The following COBLL1 variants were observed in gnomAD, a reference collection of about 807,000 sequenced individuals.
COBLL1 encodes the protein cordon-bleu WH2 repeat protein like 1.
COBLL1 carries 50 observed loss-of-function variants against 94.8 expected under a neutral mutation model. That is an observed-to-expected ratio of 0.53 (90% confidence interval 0.42 to 0.67). COBLL1 has a LOEUF of 0.67. Ranked by LOEUF, COBLL1 falls within the 30% of genes least tolerant of loss-of-function variation. The pLI is 0.00. For missense variants in COBLL1, 1,362 were observed against 1,348.7 expected, an observed-to-expected ratio of 1.01 and a Z score of -0.15; for synonymous variants, 448 against 473.8, an observed-to-expected ratio of 0.95 and a Z score of 0.71.
At chr2:164,833,663 G>C (rs1032402941) in intron 2 of COBLL1, among the ~76,000 whole-genome samples, 2 of 151,924 alleles carry the variant, frequency 1.3e-5, no homozygotes, top group Non-Finnish European at 2.9e-5. Flanking sequence ...TGTTAGCCAG[G>C]ATGGTCTCGA....
chr2:164,807,924 A>G (rs1684259183), intron 2 of COBLL1, among the ~76,000 whole-genome samples: 1 of 152,054 alleles, frequency 6.6e-6, no homozygotes, highest in African/African-American at 2.4e-5. Context: ...GGTTCAAGCA[A>G]TTCTTGTGCC....
intron 7 of COBLL1, among the ~76,000 whole-genome samples, chr2:164,709,736 A>C (rs1318651971): frequency 6.6e-6 from 1 of 152,042 alleles, no homozygotes; most frequent in Non-Finnish European, 1.5e-5. Flanking sequence ...TAAATAAATA[A>C]ATAAAAATAA....
intron 3 of COBLL1, among the ~76,000 whole-genome samples, chr2:164,733,628 C>T (rs1216763557): frequency 6.6e-6 from 1 of 152,160 alleles, no homozygotes; most frequent in East Asian, 1.9e-4. Context: ...GAATTTAATA[C>T]TGCATATGAA....
chr2:164,828,257 G>T (rs1375484684), intron 2 of COBLL1, among the ~76,000 whole-genome samples: 1 of 152,064 alleles, frequency 6.6e-6, no homozygotes, highest in Non-Finnish European at 1.5e-5. Flanking sequence ...TTGTTTCTAG[G>T]TATATGTGGA....
At chr2:164,713,559 G>T (rs1685015410) in intron 7 of COBLL1, among the ~76,000 whole-genome samples, 1 of 152,152 alleles carries the variant, frequency 6.6e-6, no homozygotes. Context: ...AGGGGATTCT[G>T]AGTGGCCAAG....
At chr2:164,827,713 C>T (rs955261112) in intron 2 of COBLL1, among the ~76,000 whole-genome samples, 1 of 152,194 alleles carries the variant, frequency 6.6e-6, no homozygotes, top group Non-Finnish European at 1.5e-5. Flanking sequence ...ATGTACTAGT[C>T]ACACAATTAA....
Position 164,685,823 on chromosome 2 carries a change from A to C in COBLL1, c.*123T>G. ...TTCTGGCATTAAAAGCCACAACACA[A>C]ATTCTAATATTTTAATAGATAATAT... is the stretch of plus-strand genomic sequence containing the variant. On this transcript the variant is annotated 3_prime_UTR_variant, in exon 14 of 14. Coordinates refer to ENST00000652658, the MANE Select transcript of COBLL1 (RefSeq NM_001365672.2). 2.4e-6 allele frequency: 1 copy of C among 425,416 alleles called. No individual in the cohort carries two copies. The highest frequency in any genetic ancestry group is 4.2e-6 in the Non-Finnish European group (1 of 236,082). 26.4% of individuals were successfully genotyped at this position (425,416 alleles called of 1,614,324 possible). A position where few individuals can be genotyped will look rare whatever the true frequency, so the allele number is the denominator to read the frequency against.
In COBLL1 at chr2:164,783,941, G is replaced by A. The variant is rs570703320; in HGVS notation, c.42-40066C>T. On this transcript the variant is annotated intron_variant, in intron 2 of 13. Coordinates refer to ENST00000652658, the MANE Select transcript of COBLL1 (RefSeq NM_001365672.2). ...TGATTATGCCATTGCACTCCAGCAT[G>A]GGCAACAGAGAGCTACCCTGTCTCA... is the stretch of plus-strand genomic sequence containing the variant. Among the ~76,000 whole-genome samples, 4 of 152,274 alleles carry A rather than the reference G, an allele frequency of 2.6e-5. No individual in the cohort carries two copies. In the South Asian group the frequency reaches 6.2e-4, roughly 24 times the overall value.
In COBLL1 at chr2:164,692,344, A is replaced by G. The variant is rs1384896960; in HGVS notation, c.3177T>C (p.Asp1059=). 3 of 1,613,506 alleles carry G rather than the reference A, an allele frequency of 1.9e-6. No homozygotes were observed. The highest frequency in any genetic ancestry group is 2.5e-6 in the Non-Finnish European group (3 of 1,179,590). The change falls in exon 13 of 14, where the codon GAT becomes GAC. Residue 1059 remains aspartate, a synonymous_variant. Transcript: ENST00000652658. ...EQNSQIPTPT[D]GPSFTVMRQS... is the part of the protein sequence containing the mutation. ...GTCTCATAACAGTGAATGATGGGCCATCAGTTGGAGTTGGTATTTGGGAAT... is the reference window on the plus strand; with the variant it reads ...GTCTCATAACAGTGAATGATGGGCCGTCAGTTGGAGTTGGTATTTGGGAAT...
intron 2 of COBLL1, among the ~76,000 whole-genome samples, chr2:164,838,020 C>CA (rs1300838227): frequency 9.2e-5 from 14 of 152,068 alleles, no homozygotes; most frequent in Non-Finnish European, 4.4e-5. Context: ...CAGCCTGTCT[C>CA]AAAAGAAAGG....
chr2:164,831,134 C>A (rs889195375), intron 2 of COBLL1, among the ~76,000 whole-genome samples: 5 of 151,964 alleles, frequency 3.3e-5, no homozygotes, highest in Non-Finnish European at 5.9e-5. Context: ...ATTAGCCTGG[C>A]CAACATGTGA....
At chr2:164,795,684 GCAC>G (rs1258763914) in intron 2 of COBLL1, among the ~76,000 whole-genome samples, 6 of 151,854 alleles carry the variant, frequency 4.0e-5, no homozygotes, top group Non-Finnish European at 5.9e-5. Flanking sequence ...GAGACTAAAG[GCAC>G]CACATTAGGA....
chr2:164,814,333 TAATA>T (rs1684606528), intron 2 of COBLL1, among the ~76,000 whole-genome samples: 2 of 152,248 alleles, frequency 1.3e-5, no homozygotes, highest in African/African-American at 4.8e-5. Flanking sequence ...AATAAGGTCT[TAATA>T]AACAATTGAT....
chr2:164,738,143 C>G (rs1196850618), intron 3 of COBLL1: 2 of 152,078 alleles, frequency 1.3e-5, no homozygotes, highest in Non-Finnish European at 2.9e-5. Flanking sequence ...AAATATCTTC[C>G]TCTGTTATAA....
chr2:164,672,172 G>C (rs2105387944), intron 1 of COBLL1, among the ~76,000 whole-genome samples: 1 of 152,234 alleles, frequency 6.6e-6, no homozygotes, highest in East Asian at 1.9e-4. Context: ...TAGTCCAAAG[G>C]AATGACTGTG....
At chr2:164,824,250 G>T (rs1294426213) in intron 2 of COBLL1, among the ~76,000 whole-genome samples, 2 of 151,948 alleles carry the variant, frequency 1.3e-5, no homozygotes, top group Non-Finnish European at 2.9e-5. Context: ...GCATGGTGGT[G>T]TATGCCTGTA....
intron 2 of COBLL1, among the ~76,000 whole-genome samples, chr2:164,801,862 A>G (rs1683825476): frequency 6.6e-6 from 1 of 152,232 alleles, no homozygotes; most frequent in African/African-American, 2.4e-5. Flanking sequence ...TTTCTGGCAG[A>G]ATAATGGCAT....
At position 164,694,646 on chromosome 2, in the gene COBLL1, G is replaced by A; in HGVS notation, c.2746C>T (p.Leu916Phe). 3 of 1,613,874 alleles carry A rather than the reference G, an allele frequency of 1.9e-6. No homozygotes were observed. Among genetic ancestry groups the A allele is most frequent in the Non-Finnish European group, 2.5e-6 (3 of 1,179,952 alleles). The change falls in exon 12 of 14, where the codon CTT becomes TTT. Residue 916 changes from leucine to phenylalanine, a missense_variant. Leu to Phe is a conservative substitution (Grantham distance 22, BLOSUM62 0). Transcript: ENST00000652658. ...TGAGGCATTTTACTTAAGGGAGAAA[G>A]AGTCTGCTCCGGAGAAGGCAGCATA... The part of the protein sequence containing the change: ...RDMLPSPEQT[L>F]SPLSKMPHSV...
Position 164,722,325 on chromosome 2 carries a change from A to C in COBLL1, c.760-14T>G. The C allele has an allele frequency of 1.2e-6, 2 of 1,600,316 alleles. No individual in the cohort carries two copies. Among genetic ancestry groups the C allele is most frequent in the Non-Finnish European group, 1.7e-6 (2 of 1,170,484 alleles). On this transcript the variant is annotated splice_polypyrimidine_tract_variant and intron_variant, in intron 6 of 13. Coordinates refer to ENST00000652658, the MANE Select transcript of COBLL1 (RefSeq NM_001365672.2). ...GGCACTTGCAGTCTAGTAAAGAATG[A>C]CAAAGACAAAATCTAGTAATTTCAA...
Sources: gnomAD v4.1 joint callset for allele counts (sites outside exome capture counted in the v4.1 genomes callset) on GRCh38, gnomAD v4.1.1 for gene constraint, MANE v1.5 for transcripts, NCBI Gene and HGNC (gene_info 2026-07-23, HGNC 2026-07-21) for gene names.